Variants in EYS observed in about 807,000 individuals in gnomAD.
EYS encodes the protein protein eyes shut homolog.
A neutral mutation model predicts 282.1 loss-of-function variants in EYS; 250 were observed. That is an observed-to-expected ratio of 0.89 (90% CI 0.80 to 0.98). EYS has a LOEUF of 0.98. EYS is among the 50% of genes least tolerant of loss of function. The pLI, the probability that EYS is intolerant of heterozygous loss-of-function variation, is 0.00. For missense variants in EYS, 4,016 were observed against 3,709.0 expected (o/e 1.08, Z -2.15); for synonymous variants, 1,355 against 1,282.9 (o/e 1.06, Z -1.20).
intron 12 of EYS, among the ~76,000 whole-genome samples, chr6:65,130,015 A>G (rs553036747): frequency 6.6e-6 from 1 of 152,114 alleles, no homozygotes; most frequent in African/African-American, 2.4e-5. Flanking sequence ...AGCAACATGG[A>G]TGTAGCTGGA....
intron 22 of EYS, among the ~76,000 whole-genome samples, chr6:64,792,711 GTTTA>G (rs1352960233): frequency 1.3e-5 from 2 of 152,034 alleles, no homozygotes; most frequent in Non-Finnish European, 2.9e-5. Flanking sequence ...TCCAAAAGTT[GTTTA>G]TTTATTTGGC....
chr6:64,072,895 A>G (rs1771642157), intron 32 of EYS, among the ~76,000 whole-genome samples: 1 of 151,926 alleles, frequency 6.6e-6, no homozygotes, highest in African/African-American at 2.4e-5. Flanking sequence ...CTGTTGTGCC[A>G]TATGTACAAG....
intron 2 of EYS, among the ~76,000 whole-genome samples, chr6:65,500,732 G>A (rs1409155071): frequency 6.6e-6 from 1 of 151,922 alleles, no homozygotes; most frequent in Non-Finnish European, 1.5e-5. Context: ...AGGCAGAAAT[G>A]TACCTTCATT....
At chr6:64,418,218 C>A (rs557548080) in intron 28 of EYS, among the ~76,000 whole-genome samples, 1 of 151,904 alleles carries the variant, frequency 6.6e-6, no homozygotes, top group Non-Finnish European at 1.5e-5. Context: ...TACGTAACAC[C>A]TTGTTTAAAA....
chr6:65,384,179 C>A (rs1765717551), intron 8 of EYS, among the ~76,000 whole-genome samples: 1 of 151,712 alleles, frequency 6.6e-6, no homozygotes, highest in African/African-American at 2.4e-5. Context: ...AATAAAAACA[C>A]CTCCTAGAAC....
chr6:64,828,115 T>C (rs1765111221), intron 19 of EYS, among the ~76,000 whole-genome samples: 1 of 151,792 alleles, frequency 6.6e-6, no homozygotes, highest in East Asian at 1.9e-4. Context: ...TAATACAAGA[T>C]GAAGAATTAA....
intron 12 of EYS, among the ~76,000 whole-genome samples, chr6:65,110,797 A>G (rs1452723933): frequency 6.6e-6 from 1 of 152,166 alleles, no homozygotes; most frequent in Non-Finnish European, 1.5e-5. Flanking sequence ...CTTGTCCTCC[A>G]TCGTCAACAG....
intron 22 of EYS, among the ~76,000 whole-genome samples, chr6:64,738,691 G>A (rs1772267411): frequency 6.6e-6 from 1 of 152,162 alleles, no homozygotes. Flanking sequence ...AACAACAATA[G>A]TGGCAATTTT....
At chr6:64,944,420 A>G (rs560723313) in intron 15 of EYS, among the ~76,000 whole-genome samples, 1 of 152,248 alleles carries the variant, frequency 6.6e-6, no homozygotes, top group East Asian at 1.9e-4. Flanking sequence ...TCAACAGAGT[A>G]AACAGACAAC....
chr6:63,769,766 C>G (rs1182645723), intron 40 of EYS, among the ~76,000 whole-genome samples: 1 of 151,962 alleles, frequency 6.6e-6, no homozygotes, highest in African/African-American at 2.4e-5. Flanking sequence ...TAGCTTAGAA[C>G]TTCTATGGGT....
chr6:64,545,318 C>T (rs979378850), intron 26 of EYS, among the ~76,000 whole-genome samples: 17 of 152,190 alleles, frequency 1.1e-4, no homozygotes, highest in South Asian at 1.0e-3. Flanking sequence ...CAAAATTCAA[C>T]GACCCTTCAT....
intron 42 of EYS, among the ~76,000 whole-genome samples, chr6:63,722,964 C>T (rs1768463183): frequency 6.6e-6 from 1 of 152,182 alleles, no homozygotes; most frequent in Non-Finnish European, 1.5e-5. Context: ...GCTTTATCCA[C>T]TAGGTTGTAA....
Position 64,302,938 on chromosome 6 carries a change from C to T in EYS, c.6191+4032G>A, listed in dbSNP as rs578050917. On this transcript the variant is annotated intron_variant, in intron 30 of 42. Coordinates refer to ENST00000503581, the MANE Select transcript of EYS (RefSeq NM_001142800.2). Reference sequence around the variant, plus strand: ...CTCAGGTCCTCTTTGAATTCCAGCACGATGCATCAAACCATACCATGGCAT... The same window carrying T: ...CTCAGGTCCTCTTTGAATTCCAGCATGATGCATCAAACCATACCATGGCAT... Among the ~76,000 whole-genome samples the T allele has an allele frequency of 3.9e-5, 6 of 152,084 alleles. No homozygotes were observed. The East Asian group carries it at 7.8e-4, about 20-fold the overall frequency.
chr6:63,826,343 C>T (rs967916379), intron 36 of EYS, among the ~76,000 whole-genome samples: 2 of 152,154 alleles, frequency 1.3e-5, no homozygotes, highest in African/African-American at 4.8e-5. Context: ...AAAACTTTCC[C>T]AGCCTTGCTA....
At chr6:63,996,448 A>G (rs575927275) in intron 34 of EYS, among the ~76,000 whole-genome samples, 1 of 152,282 alleles carries the variant, frequency 6.6e-6, no homozygotes, top group African/African-American at 2.4e-5. Context: ...CTGTACACAT[A>G]AAATTTTGTT....
chr6:63,748,573 C>G (rs1769267489), intron 41 of EYS, among the ~76,000 whole-genome samples: 1 of 152,124 alleles, frequency 6.6e-6, no homozygotes, highest in Non-Finnish European at 1.5e-5. Flanking sequence ...ATCAGCTCTT[C>G]TTTGTACATC....
chr6:65,269,234 C>T (rs538884021), intron 12 of EYS, among the ~76,000 whole-genome samples: 1 of 152,270 alleles, frequency 6.6e-6, no homozygotes, highest in East Asian at 1.9e-4. Context: ...GTGTGTCCCA[C>T]TTCCCAAAGC....
chr6:64,267,474 G>A (rs1040542082), intron 30 of EYS, among the ~76,000 whole-genome samples: 1 of 151,966 alleles, frequency 6.6e-6, no homozygotes, highest in Non-Finnish European at 1.5e-5. Context: ...TCCCTGTAAT[G>A]AAGCTTCATT....
intron 42 of EYS, 70 bp downstream of exon 42, chr6:63,726,449 A>G (rs1315843634): frequency 7.5e-7 from 1 of 1,328,272 alleles, no homozygotes; most frequent in Non-Finnish European, 1.0e-6. Flanking sequence ...AGGTGACACA[A>G]ACACTATCAT....
Sources: gnomAD v4.1 joint callset for allele counts (sites outside exome capture counted in the v4.1 genomes callset) on GRCh38, gnomAD v4.1.1 for gene constraint, MANE v1.5 for transcripts, NCBI Gene and HGNC (gene_info 2026-07-23, HGNC 2026-07-21) for gene names.